Variants in RAB40C observed in about 807,000 individuals in gnomAD.
RAB40C encodes RAB40C, member RAS oncogene family.
Under a neutral mutation model 28.1 loss-of-function variants are expected in RAB40C, and 8 were observed. The observed-to-expected ratio is 0.28, with a 90% confidence interval of 0.17 to 0.51. The LOEUF is 0.51. Among genes scored for constraint, RAB40C ranks in the 20% least tolerant of loss-of-function variants. The probability of loss-of-function intolerance (pLI) is 0.97; values close to 1 mark genes in which losing one functional copy is unlikely to be tolerated. For missense variants in RAB40C, 288 were observed against 405.9 expected (o/e 0.71, Z 2.50); for synonymous variants, 201 against 171.7 (o/e 1.17, Z -1.34).
At chr16:602,263 G>GT (rs2036268485) in intron 1 of RAB40C, among the ~76,000 whole-genome samples, 1 of 146,732 alleles carries the variant, frequency 6.8e-6, no homozygotes, top group African/African-American at 2.5e-5. Context: ...TTTTTTTTTG[G>GT]TTTTGTTTTT....
At chr16:595,126 G>A (rs1183538234) in intron 1 of RAB40C, among the ~76,000 whole-genome samples, 1 of 152,220 alleles carries the variant, frequency 6.6e-6, no homozygotes, top group Non-Finnish European at 1.5e-5. Context: ...TCCTCTGTGA[G>A]GTGCCGGGTT....
chr16:591,832 T>G (rs1223527755), intron 1 of RAB40C, among the ~76,000 whole-genome samples: 2 of 152,174 alleles, frequency 1.3e-5, no homozygotes, highest in African/African-American at 4.8e-5. Flanking sequence ...CCTGACCTCA[T>G]GATCTGCCCA....
chr16:589,816 A>T (rs1244523386), upstream of RAB40C: 1 of 152,170 alleles, frequency 6.6e-6, no homozygotes, highest in African/African-American at 2.4e-5. Flanking sequence ...CGTGTGGGAA[A>T]GGCGGGGGAG....
chr16:595,036 C>T (rs989016973), intron 1 of RAB40C, among the ~76,000 whole-genome samples: 4 of 152,110 alleles, frequency 2.6e-5, no homozygotes, highest in African/African-American at 9.7e-5. Context: ...CTAGGCTGGT[C>T]TCAAACCCCT....
Position 590,214 on chromosome 16 carries a change from G to T in RAB40C, c.-78G>T. 8.8e-7 allele frequency: 1 copy of T among 1,131,242 alleles called. No homozygotes were observed. Among genetic ancestry groups the T allele is most frequent in the Non-Finnish European group, 1.1e-6 (1 of 909,190 alleles). 70.1% of individuals were successfully genotyped at this position (1,131,242 alleles called of 1,614,324 possible). On this transcript the variant is annotated 5_prime_UTR_variant, in exon 1 of 6. Coordinates refer to ENST00000248139, the MANE Select transcript of RAB40C (RefSeq NM_021168.5). ...CGGACGCAACGGGCGCAGGTGCGGG[G>T]CGCGGGCTCTCTCACGCCGCGGCCT...
At chr16:592,755 G>A (rs961987613) in intron 1 of RAB40C, among the ~76,000 whole-genome samples, 6 of 152,268 alleles carry the variant, frequency 3.9e-5, no homozygotes, top group African/African-American at 1.4e-4. Flanking sequence ...CCCAGGACAT[G>A]AAGGCGTGCT....
intron 3 of RAB40C, among the ~76,000 whole-genome samples, chr16:620,625 C>A (rs1213390096): frequency 6.9e-5 from 9 of 131,262 alleles, no homozygotes; most frequent in Non-Finnish European, 9.9e-5. Flanking sequence ...CCAGCCCCCC[C>A]CGACGGGCTC....
chr16:607,658 G>A (rs552918119), intron 1 of RAB40C, among the ~76,000 whole-genome samples: 1 of 152,256 alleles, frequency 6.6e-6, no homozygotes, highest in East Asian at 1.9e-4. Flanking sequence ...AGGCGCGGTG[G>A]TGGGCGCCTG....
At chr16:621,538 G>A (rs555774375) in intron 3 of RAB40C, among the ~76,000 whole-genome samples, 3 of 152,356 alleles carry the variant, frequency 2.0e-5, no homozygotes, top group South Asian at 4.1e-4. Flanking sequence ...GGCTCTTCCC[G>A]CGAGGCCCTT....
intron 1 of RAB40C, among the ~76,000 whole-genome samples, chr16:594,343 C>T (rs976003762): frequency 1.3e-5 from 2 of 152,076 alleles, no homozygotes; most frequent in African/African-American, 4.8e-5. Flanking sequence ...TGGGGAGAAA[C>T]GGAGGGAGGC....
At chr16:617,145 T>C (rs1260308881) in intron 1 of RAB40C, 63 bp from the exon 2 acceptor site, 8 of 1,571,072 alleles carry the variant, frequency 5.1e-6, no homozygotes, top group Non-Finnish European at 5.2e-6. Context: ...TGGCCGAGGC[T>C]GGTCTCGCGG....
chr16:603,298 A>AT (rs148473224), intron 1 of RAB40C, among the ~76,000 whole-genome samples: 6,075 of 152,312 alleles, frequency 0.04, 186 homozygotes, highest in Non-Finnish European at 0.061. Context: ...CACATTTGAA[A>AT]TTTGTTAGAT....
intron 5 of RAB40C, 147 bp from the exon 6 acceptor site, chr16:627,195 G>T: frequency 2.7e-6 from 2 of 746,980 alleles, no homozygotes; most frequent in Non-Finnish European, 2.1e-6. Flanking sequence ...AGAGAAGTTT[G>T]GGCGTCCAGG....
intron 3 of RAB40C, among the ~76,000 whole-genome samples, chr16:621,651 C>A (rs970380737): frequency 1.3e-5 from 2 of 152,228 alleles, no homozygotes; most frequent in Non-Finnish European, 2.9e-5. Context: ...TGCCACAACC[C>A]GCTGGTGGGA....
At chr16:619,346 G>T (rs1267626912) in intron 3 of RAB40C, among the ~76,000 whole-genome samples, 1 of 151,130 alleles carries the variant, frequency 6.6e-6, no homozygotes, top group East Asian at 2.0e-4. Flanking sequence ...GTGCAGCCAT[G>T]TGCACAGGTC....
At chr16:623,053 C>T (rs780324010) in intron 3 of RAB40C, among the ~76,000 whole-genome samples, 6 of 152,138 alleles carry the variant, frequency 3.9e-5, no homozygotes, top group Admixed American at 1.3e-4. Context: ...CGCCCCTGCC[C>T]GTAACCCCTA....
In RAB40C at chr16:593,264, A is replaced by G. The variant is rs553632884; in HGVS notation, c.142+2831A>G. Among the ~76,000 whole-genome samples the G allele has an allele frequency of 1.5e-4, 23 of 152,364 alleles. No individual in the cohort carries two copies. The South Asian group carries it at 4.1e-3, about 27-fold the overall frequency. On this transcript the variant is annotated intron_variant, in intron 1 of 5. Transcript: ENST00000248139. ...GATCTGAGGGTTTCCCAAGGGGGCT[A>G]TTCAGGGTCTCAGAAGCTCAGGAGC...
intron 1 of RAB40C, among the ~76,000 whole-genome samples, chr16:608,359 G>T (rs1318259145): frequency 2.6e-5 from 4 of 152,202 alleles, no homozygotes; most frequent in Admixed American, 1.3e-4. Context: ...GTCAAGGTGA[G>T]ATTTGGGCGG....
intron 3 of RAB40C, among the ~76,000 whole-genome samples, chr16:622,761 C>T (rs559025462): frequency 1.4e-4 from 21 of 152,364 alleles, no homozygotes; most frequent in African/African-American, 5.0e-4. Flanking sequence ...GCCTCGGCCT[C>T]CCAAAGTGCT....
Sources: allele counts gnomAD v4.1 joint callset (sites outside exome capture counted in the v4.1 genomes callset), GRCh38; gene constraint gnomAD v4.1.1; transcripts MANE v1.5; gene names NCBI Gene and HGNC (gene_info 2026-07-23, HGNC 2026-07-21).